NT5DC1: variants seen among roughly 807,000 people sequenced by gnomAD.
The protein encoded by NT5DC1 is 5'-nucleotidase domain containing 1.
A neutral mutation model predicts 59.4 loss-of-function variants in NT5DC1; 42 were observed. The ratio of observed to expected loss-of-function variants is 0.71; its 90% confidence interval spans 0.55 to 0.92. The LOEUF is 0.92. Ranked by LOEUF, NT5DC1 falls within the 40% of genes least tolerant of loss-of-function variation. The pLI is 0.00. For synonymous variants in NT5DC1, 172 were observed against 188.1 expected (o/e 0.91, Z 0.70); for missense variants, 501 against 537.1 (o/e 0.93, Z 0.66).
At position 116,235,060 on chromosome 6, in the gene NT5DC1, T is replaced by C. The variant is rs548135452; in HGVS notation, c.803-1906T>C. Among the ~76,000 whole-genome samples, 8 of 150,868 alleles carry C rather than the reference T, an allele frequency of 5.3e-5. No homozygotes were observed. In the East Asian group the frequency reaches 1.5e-3, roughly 29 times the overall value. On this transcript the variant is annotated intron_variant, in intron 8 of 11. Transcript: ENST00000319550. ...GTTTTTTTTTTTTTTTTTTGCTTCC[T>C]ATTAGATTACTGAGTCTCAACATTT...
At chr6:116,134,900 A>C (rs938807934) in intron 6 of NT5DC1, among the ~76,000 whole-genome samples, 1 of 152,186 alleles carries the variant, frequency 6.6e-6, no homozygotes, top group African/African-American at 2.4e-5. Flanking sequence ...TGAGATGGAA[A>C]GAAAAAGGAG....
At chr6:116,148,771 A>G (rs1779959720) in intron 6 of NT5DC1, among the ~76,000 whole-genome samples, 1 of 152,274 alleles carries the variant, frequency 6.6e-6, no homozygotes, top group Non-Finnish European at 1.5e-5. Context: ...GATATATGTG[A>G]GTGTACTGAC....
chr6:116,104,053 C>G (rs1778716975), intron 1 of NT5DC1, among the ~76,000 whole-genome samples: 1 of 152,064 alleles, frequency 6.6e-6, no homozygotes. Flanking sequence ...TATTATTACT[C>G]CTGAGAGACT....
At chr6:116,139,754 A>C (rs199949978) in intron 6 of NT5DC1, among the ~76,000 whole-genome samples, 2 of 152,132 alleles carry the variant, frequency 1.3e-5, no homozygotes, top group East Asian at 3.9e-4. Context: ...GGAATTTGAC[A>C]GTTTTTTGCT....
chr6:116,163,806 CAT>C (rs1780402027), intron 6 of NT5DC1, among the ~76,000 whole-genome samples: 2 of 152,250 alleles, frequency 1.3e-5, no homozygotes, highest in Admixed American at 1.3e-4. Flanking sequence ...TGATATGTTA[CAT>C]GTCTATATTC....
chr6:116,174,554 G>A (rs9488860), intron 6 of NT5DC1, among the ~76,000 whole-genome samples: 4 of 151,946 alleles, frequency 2.6e-5, no homozygotes, highest in Non-Finnish European at 5.9e-5. Context: ...TTTCCTATTC[G>A]TGTTTTGTTT....
chr6:116,144,386 AGCTACTTGGGAGACT>A (rs1779843585), intron 6 of NT5DC1, among the ~76,000 whole-genome samples: 1 of 152,110 alleles, frequency 6.6e-6, no homozygotes, highest in Non-Finnish European at 1.5e-5. Flanking sequence ...CTGTAGTCCC[AGCTACTTGGGAGACT>A]GAGGCAGGGG....
intron 6 of NT5DC1, among the ~76,000 whole-genome samples, chr6:116,150,450 A>C (rs1231997602): frequency 1.3e-5 from 2 of 151,956 alleles, no homozygotes; most frequent in Admixed American, 1.3e-4. Context: ...ACACCCAACT[A>C]ATTTTTCTAT....
At chr6:116,161,189 T>G (rs1014399669) in intron 6 of NT5DC1, among the ~76,000 whole-genome samples, 2 of 96,986 alleles carry the variant, frequency 2.1e-5, no homozygotes, top group Admixed American at 2.9e-4. Flanking sequence ...TGGGGACTGT[T>G]GTGGGGTGGG....
At chr6:116,165,630 C>T (rs536236971) in intron 6 of NT5DC1, among the ~76,000 whole-genome samples, 1 of 152,338 alleles carries the variant, frequency 6.6e-6, no homozygotes, top group East Asian at 1.9e-4. Context: ...GATGACCCCC[C>T]TCTACATCTG....
intron 6 of NT5DC1, among the ~76,000 whole-genome samples, chr6:116,151,712 T>A (rs1012427418): frequency 6.6e-6 from 1 of 152,200 alleles, no homozygotes; most frequent in Non-Finnish European, 1.5e-5. Context: ...CCACTTATAA[T>A]GGGAATTAAG....
chr6:116,224,110 A>G (rs1336762842), intron 8 of NT5DC1, among the ~76,000 whole-genome samples: 1 of 152,234 alleles, frequency 6.6e-6, no homozygotes, highest in Non-Finnish European at 1.5e-5. Flanking sequence ...TATTTAATAT[A>G]CATTTCTCTA....
intron 6 of NT5DC1, among the ~76,000 whole-genome samples, chr6:116,151,129 A>G (rs538318736): frequency 2.0e-5 from 3 of 152,326 alleles, no homozygotes; most frequent in Non-Finnish European, 4.4e-5. Context: ...AATTTGTATC[A>G]TCTGCTCAGC....
intron 8 of NT5DC1, among the ~76,000 whole-genome samples, chr6:116,236,543 T>C (rs1782116818): frequency 6.6e-6 from 1 of 152,216 alleles, no homozygotes; most frequent in African/African-American, 2.4e-5. Context: ...TACATCTGAA[T>C]CTGATAGACT....
intron 8 of NT5DC1, among the ~76,000 whole-genome samples, chr6:116,230,263 A>T (rs1319391784): frequency 6.6e-6 from 1 of 152,168 alleles, no homozygotes; most frequent in African/African-American, 2.4e-5. Flanking sequence ...GCACAAATAT[A>T]TTTAATCACA....
chr6:116,181,494 A>G (rs1428893143), intron 6 of NT5DC1, among the ~76,000 whole-genome samples: 1 of 152,124 alleles, frequency 6.6e-6, no homozygotes, highest in Non-Finnish European at 1.5e-5. Context: ...CTAGGAATAG[A>G]AAAGAACTTC....
At position 116,197,221 on chromosome 6, in the gene NT5DC1, G is replaced by C. The variant is rs899482195; in HGVS notation, c.530-23833G>C. ...TTCATAGGCATCTGGCCACGGATCT[G>C]CTTTGCCTGGTTAATGATGTCGATG... On this transcript the variant is annotated intron_variant, in intron 6 of 11. Transcript: ENST00000319550. Among the ~76,000 whole-genome samples, 5 of 152,050 alleles carry C rather than the reference G, an allele frequency of 3.3e-5. No homozygotes were observed. The South Asian group carries it at 1.0e-3, about 32-fold the overall frequency.
At chr6:116,106,400 TA>T in intron 2 of NT5DC1, 65 bp downstream of exon 2, 1 of 742,898 alleles carries the variant, frequency 1.3e-6, no homozygotes, top group South Asian at 1.6e-5. Context: ...TTGTTACTGA[TA>T]AAACTGTAAT....
rs1781789016 is a variant in NT5DC1, at chr6:116,221,066, T to C, written c.542T>C (p.Ile181Thr). The C allele has an allele frequency of 2.7e-6, 4 of 1,488,720 alleles. No homozygotes were observed. Among genetic ancestry groups the C allele is most frequent in the South Asian group, 1.2e-5 (1 of 84,502 alleles). 92.2% of individuals were successfully genotyped at this position (1,488,720 alleles called of 1,614,324 possible). The change falls in exon 7 of 12, where the codon ATA becomes ACA. Residue 181 changes from isoleucine (I) to threonine (T), a missense_variant. Transcript: ENST00000319550. ...TTTTATTTTTCAGAAAACTGTGGAA[T>C]ATATTTTCCAGAAATAAAAAGAGAT... ...KMSAFKENCG[I>T]YFPEIKRDPG...
Sources: gnomAD v4.1 joint callset for allele counts (sites outside exome capture counted in the v4.1 genomes callset) on GRCh38, gnomAD v4.1.1 for gene constraint, MANE v1.5 for transcripts, NCBI Gene and HGNC (gene_info 2026-07-23, HGNC 2026-07-21) for gene names.